The following IL16 variants were observed in gnomAD, a reference collection of about 807,000 sequenced individuals.
The protein encoded by IL16 is interleukin 16.
In IL16, 67 loss-of-function variants were observed where a neutral mutation model predicts 110.1. The ratio of observed to expected loss-of-function variants is 0.61; its 90% CI spans 0.50 to 0.75. The LOEUF (loss-of-function observed/expected upper bound fraction) is 0.75. Ranked by LOEUF, IL16 falls within the 30% of genes least tolerant of loss-of-function variation. The probability of loss-of-function intolerance (pLI) is 0.00; values close to 1 mark genes in which losing one functional copy is unlikely to be tolerated. For synonymous variants in IL16, 689 were observed against 662.9 expected (o/e 1.04, Z -0.61); for missense variants, 1,545 against 1,655.0 (o/e 0.93, Z 1.15).
intron 3 of IL16, among the ~76,000 whole-genome samples, chr15:81,262,061 G>T (rs57462451): frequency 2.0e-5 from 3 of 152,208 alleles, no homozygotes; most frequent in African/African-American, 7.2e-5. Context: ...GTGAGAGCCT[G>T]TCCTGCCCCC....
In IL16 at chr15:81,308,998, C is replaced by CG; in HGVS notation, c.*205dup. On this transcript the variant is annotated 3_prime_UTR_variant, in exon 19 of 19. Coordinates refer to ENST00000683961, the MANE Select transcript of IL16 (RefSeq NM_172217.5). ...TTCCTAAAATAAGGGCAGAGTCACACGGGGGCAGCTGATACAAATTGCAGA... is the reference window on the plus strand; with the variant it reads ...TTCCTAAAATAAGGGCAGAGTCACACGGGGGGCAGCTGATACAAATTGCAGA... 2.0e-6 allele frequency: 1 copy of CG among 492,992 alleles called. No individual in the cohort carries two copies. The highest frequency in any genetic ancestry group is 3.4e-5 in the South Asian group (1 of 29,068). The allele number at this position is 492,992 out of a possible 1,614,324, so 30.5% of individuals were successfully genotyped here.
At chr15:81,187,749 TG>T (rs1442308837) in intron 1 of IL16, among the ~76,000 whole-genome samples, 7 of 152,184 alleles carry the variant, frequency 4.6e-5, no homozygotes, top group African/African-American at 1.4e-4. Context: ...CCTTTGACCG[TG>T]GGGGCAGAAC....
intron 9 of IL16, among the ~76,000 whole-genome samples, chr15:81,284,128 G>A (rs565805134): frequency 5.3e-5 from 8 of 151,984 alleles, no homozygotes; most frequent in African/African-American, 1.9e-4. Context: ...TCTAAGAGAA[G>A]TTCAAATCTA....
intron 15 of IL16, among the ~76,000 whole-genome samples, chr15:81,302,978 A>C (rs1208148111): frequency 6.6e-6 from 1 of 151,832 alleles, no homozygotes; most frequent in East Asian, 1.9e-4. Flanking sequence ...TCCTGGCTCC[A>C]TGGGAGTCCC....
chr15:81,213,029 A>C (rs999884967), intron 1 of IL16, among the ~76,000 whole-genome samples: 3 of 152,098 alleles, frequency 2.0e-5, no homozygotes, highest in Non-Finnish European at 4.4e-5. Flanking sequence ...TAGGGCTCTA[A>C]ACTTTCCTCC....
intron 3 of IL16, among the ~76,000 whole-genome samples, chr15:81,265,061 G>A (rs1349710271): frequency 6.6e-6 from 1 of 152,178 alleles, no homozygotes; most frequent in Non-Finnish European, 1.5e-5. Context: ...AGGGAGGTAG[G>A]GTAGAGTTCC....
chr15:81,244,099 T>G (rs947478349), intron 2 of IL16, among the ~76,000 whole-genome samples: 20 of 152,184 alleles, frequency 1.3e-4, no homozygotes, highest in Admixed American at 1.3e-4. Flanking sequence ...TCAAGTGAAG[T>G]GTAGCAAACT....
chr15:81,183,358 C>T (rs1447798452), intron 1 of IL16, among the ~76,000 whole-genome samples: 3 of 152,206 alleles, frequency 2.0e-5, no homozygotes, highest in East Asian at 3.9e-4. Context: ...GAGAAGTGAA[C>T]GGAGTGCTGG....
At chr15:81,290,305 T>C in intron 10 of IL16, 148 bp from the exon 11 acceptor site, 1 of 562,396 alleles carries the variant, frequency 1.8e-6, no homozygotes, top group South Asian at 2.6e-5. Context: ...GGGGTATTTC[T>C]GGAAATGGAA....
intron 9 of IL16, among the ~76,000 whole-genome samples, chr15:81,284,053 AC>A (rs1382701058): frequency 1.3e-5 from 2 of 151,906 alleles, no homozygotes; most frequent in East Asian, 3.9e-4. Context: ...TAAGAGAAAT[AC>A]AGGTTCTTTC....
At chr15:81,261,770 G>GA (rs904397621) in intron 3 of IL16, among the ~76,000 whole-genome samples, 21 of 150,922 alleles carry the variant, frequency 1.4e-4, no homozygotes, top group African/African-American at 4.9e-4. Flanking sequence ...AAAATAGATG[G>GA]AAAAAAAAAG....
intron 2 of IL16, among the ~76,000 whole-genome samples, chr15:81,245,042 T>C (rs987765597): frequency 2.0e-5 from 3 of 152,218 alleles, no homozygotes; most frequent in Non-Finnish European, 4.4e-5. Context: ...TGAAACTTTC[T>C]TTTTCATTGT....
At chr15:81,275,938 G>C (rs537428579) in intron 6 of IL16, among the ~76,000 whole-genome samples, 104 of 152,314 alleles carry the variant, frequency 6.8e-4, no homozygotes, top group Admixed American at 1.7e-3. Flanking sequence ...GCTTTTACCA[G>C]ATATAGCCAA....
At chr15:81,295,291 C>A (rs17875495) in intron 12 of IL16, 9 of 973,474 alleles carry the variant, frequency 9.2e-6, no homozygotes, top group Non-Finnish European at 1.2e-5. Flanking sequence ...CCAGGAAACA[C>A]TAGTAAGAGA....
intron 1 of IL16, among the ~76,000 whole-genome samples, chr15:81,210,884 A>G (rs1896214762): frequency 6.6e-6 from 1 of 152,146 alleles, no homozygotes; most frequent in African/African-American, 2.4e-5. Context: ...ACTATGTTGA[A>G]TAGGAGTGGT....
chr15:81,255,001 G>A (rs1410471316), intron 2 of IL16, among the ~76,000 whole-genome samples: 2 of 152,186 alleles, frequency 1.3e-5, no homozygotes, highest in African/African-American at 4.8e-5. Flanking sequence ...ACTGAGCCCA[G>A]ATAATTGACA....
chr15:81,266,068 G>T (rs945015196), intron 4 of IL16, among the ~76,000 whole-genome samples: 7 of 152,256 alleles, frequency 4.6e-5, no homozygotes, highest in Non-Finnish European at 8.8e-5. Context: ...AACATGTAGA[G>T]AACACGGCAC....
At chr15:81,244,830 A>G (rs1031791054) in intron 2 of IL16, among the ~76,000 whole-genome samples, 4 of 152,034 alleles carry the variant, frequency 2.6e-5, no homozygotes, top group African/African-American at 9.7e-5. Context: ...TTATAGTATC[A>G]CAGATCCCTG....
Position 81,210,852 on chromosome 15 carries a change from T to A in IL16, c.-102+13700T>A, listed in dbSNP as rs564058748. ...TTTTCATTTTTTTCTTTTGCCTGAT[T>A]GCTCTGGCTAGAACTTCCAGTACTA... On this transcript the variant is annotated intron_variant, in intron 1 of 18. Coordinates refer to ENST00000683961, the MANE Select transcript of IL16 (RefSeq NM_172217.5). 6.6e-5 allele frequency among the ~76,000 whole-genome samples: 10 copies of A among 152,344 alleles called. No homozygotes were observed. In the South Asian group the frequency reaches 2.1e-3, roughly 32 times the overall value.
Sources: allele counts gnomAD v4.1 joint callset (sites outside exome capture counted in the v4.1 genomes callset), GRCh38; gene constraint gnomAD v4.1.1; transcripts MANE v1.5; gene names NCBI Gene and HGNC (gene_info 2026-07-23, HGNC 2026-07-21).